Variants in SKAP1 observed in about 807,000 individuals in gnomAD.
SKAP1 encodes the protein src kinase-associated phosphoprotein 1.
Under a neutral mutation model 58.5 loss-of-function variants are expected in SKAP1, and 44 were observed. That is an observed-to-expected ratio of 0.75 (90% CI 0.59 to 0.97). The LOEUF (loss-of-function observed/expected upper bound fraction) is 0.97. Ranked by LOEUF, SKAP1 falls within the 50% of genes least tolerant of loss-of-function variation. The pLI is 0.00. For synonymous variants in SKAP1, 127 were observed against 149.7 expected, an observed-to-expected ratio of 0.85 and a Z score of 1.11; for missense variants, 390 against 435.2, an observed-to-expected ratio of 0.90 and a Z score of 0.92.
At chr17:48,231,927 C>T (rs995650026) in intron 4 of SKAP1, 2 of 152,190 alleles carry the variant, frequency 1.3e-5, no homozygotes, top group African/African-American at 4.8e-5. Flanking sequence ...CAAAGGCACA[C>T]GTTACTGATA....
intron 4 of SKAP1, among the ~76,000 whole-genome samples, chr17:48,305,120 CAT>C (rs1181386758): frequency 1.3e-5 from 2 of 152,144 alleles, no homozygotes; most frequent in East Asian, 1.9e-4. Context: ...CATATCTTGA[CAT>C]GTGAAAATTA....
intron 4 of SKAP1, among the ~76,000 whole-genome samples, chr17:48,273,445 T>G (rs2065659909): frequency 6.6e-6 from 1 of 151,042 alleles, no homozygotes. Context: ...TCTTTTGAGA[T>G]GGAGCTTGCT....
rs1160844665 is a variant in SKAP1, at chr17:48,257,187, TAC to T, written c.281-67689_281-67688del. ...ACTTTTAAAAACAAGTCTCATTACC[TAC>T]AGAGTCTAGAAAGTACTGACTGTAG... On this transcript the variant is annotated intron_variant, in intron 4 of 12. Coordinates refer to ENST00000336915, the MANE Select transcript of SKAP1 (RefSeq NM_003726.4). Among the ~76,000 whole-genome samples, 4 of 152,056 alleles carry T rather than the reference TAC, an allele frequency of 2.6e-5. No individual in the cohort carries two copies. The East Asian group carries it at 7.7e-4, about 29-fold the overall frequency.
intron 11 of SKAP1, among the ~76,000 whole-genome samples, chr17:48,161,424 G>A (rs542192660): frequency 5.3e-5 from 8 of 152,280 alleles, no homozygotes; most frequent in African/African-American, 1.7e-4. Context: ...AAGTGCTAGG[G>A]ACAGAGCCTA....
At chr17:48,256,882 A>G (rs2065429223) in intron 4 of SKAP1, among the ~76,000 whole-genome samples, 1 of 152,104 alleles carries the variant, frequency 6.6e-6, no homozygotes, top group South Asian at 2.1e-4. Context: ...GAGTGGCCAC[A>G]TCTTAAGATG....
chr17:48,308,578 A>T (rs1191500513), intron 4 of SKAP1: 1 of 152,172 alleles, frequency 6.6e-6, no homozygotes. Context: ...ATATTTCATA[A>T]ATGTGATTTT....
At chr17:48,204,031 C>G (rs1034234971) in intron 4 of SKAP1, 1 of 152,108 alleles carries the variant, frequency 6.6e-6, no homozygotes, top group African/African-American at 2.4e-5. Context: ...GAAGCTGAAA[C>G]AGGCTCACAC....
chr17:48,315,559 A>T, intron 4 of SKAP1, among the ~76,000 whole-genome samples: 1 of 152,250 alleles, frequency 6.6e-6, no homozygotes, highest in East Asian at 1.9e-4. Flanking sequence ...GTAAATTTTT[A>T]TTAGACACAA....
chr17:48,225,976 A>C (rs577667681), intron 4 of SKAP1, among the ~76,000 whole-genome samples: 2 of 152,254 alleles, frequency 1.3e-5, no homozygotes, highest in African/African-American at 4.8e-5. Context: ...ACTTGGGGAG[A>C]CCCTTAACAA....
intron 1 of SKAP1, among the ~76,000 whole-genome samples, chr17:48,404,225 G>A (rs1483871903): frequency 6.6e-6 from 1 of 152,112 alleles, no homozygotes; most frequent in Admixed American, 6.5e-5. Flanking sequence ...GGCCGAGGCG[G>A]GCGGATCACC....
At chr17:48,153,624 G>T (rs138042841) in intron 11 of SKAP1, among the ~76,000 whole-genome samples, 1 of 152,218 alleles carries the variant, frequency 6.6e-6, no homozygotes, top group African/African-American at 2.4e-5. Flanking sequence ...AATAAGAAAA[G>T]ATACTTTGCC....
chr17:48,204,972 CT>C (rs772134494), intron 4 of SKAP1, among the ~76,000 whole-genome samples: 55 of 34,576 alleles, frequency 1.6e-3, no homozygotes, highest in East Asian at 9.4e-3. Flanking sequence ...CTTTTCTTTT[CT>C]TTTCTTTCTT....
intron 11 of SKAP1, among the ~76,000 whole-genome samples, chr17:48,140,866 G>A (rs1308706765): frequency 1.3e-5 from 2 of 149,610 alleles, no homozygotes; most frequent in East Asian, 2.0e-4. Context: ...GGCTGACCAC[G>A]ACCTATACCT....
At chr17:48,400,628 T>C (rs2067488191) in intron 1 of SKAP1, among the ~76,000 whole-genome samples, 1 of 151,948 alleles carries the variant, frequency 6.6e-6, no homozygotes, top group African/African-American at 2.4e-5. Context: ...TGCACATCTG[T>C]GGTCCCAGCT....
chr17:48,424,457 C>A (rs2067833255), intron 1 of SKAP1, among the ~76,000 whole-genome samples: 1 of 150,914 alleles, frequency 6.6e-6, no homozygotes, highest in Admixed American at 6.6e-5. Context: ...AATCTCCTGA[C>A]CTTGTGATCC....
intron 11 of SKAP1, among the ~76,000 whole-genome samples, chr17:48,139,685 T>A (rs1252153125): frequency 1.3e-5 from 2 of 152,182 alleles, no homozygotes; most frequent in African/African-American, 4.8e-5. Flanking sequence ...TGGATGCATA[T>A]AATTATCATA....
chr17:48,211,324 C>A (rs963340563), intron 4 of SKAP1, among the ~76,000 whole-genome samples: 1 of 152,010 alleles, frequency 6.6e-6, no homozygotes, highest in Non-Finnish European at 1.5e-5. Context: ...GTCTGCAAAT[C>A]AATTCATTTC....
intron 1 of SKAP1, among the ~76,000 whole-genome samples, chr17:48,408,667 T>C (rs770921554): frequency 5.9e-5 from 9 of 152,146 alleles, no homozygotes; most frequent in Non-Finnish European, 1.0e-4. Context: ...GGTTAAAAAA[T>C]CTAAAAAATT....
At chr17:48,176,597 G>A (rs1030474568) in intron 9 of SKAP1, among the ~76,000 whole-genome samples, 5 of 152,066 alleles carry the variant, frequency 3.3e-5, no homozygotes, top group South Asian at 2.1e-4. Context: ...TGCTCAACAC[G>A]GATGTTCAGA....
Sources: allele counts gnomAD v4.1 joint callset (sites outside exome capture counted in the v4.1 genomes callset), GRCh38; gene constraint gnomAD v4.1.1; transcripts MANE v1.5; gene names NCBI Gene and HGNC (gene_info 2026-07-23, HGNC 2026-07-21).